Variants in CXCL13 observed in about 807,000 individuals in gnomAD.
CXCL13 encodes C-X-C motif chemokine ligand 13.
CXCL13 carries 7 observed loss-of-function variants against 12.2 expected under a neutral mutation model. That is an observed-to-expected ratio of 0.57 (90% CI 0.33 to 1.07). The LOEUF (loss-of-function observed/expected upper bound fraction) is 1.07, where lower values mean the gene tolerates loss of function less well. Ranked by LOEUF, CXCL13 falls within the 50% of genes least tolerant of loss-of-function variation. CXCL13 has a pLI of 0.04. For missense variants in CXCL13, 113 were observed against 127.4 expected (o/e 0.89, Z 0.55); for synonymous variants, 47 against 42.4 (o/e 1.11, Z -0.42).
intron 1 of CXCL13, among the ~76,000 whole-genome samples, chr4:77,593,715 T>C (rs1390793342): frequency 6.6e-6 from 1 of 152,220 alleles, no homozygotes; most frequent in Non-Finnish European, 1.5e-5. Flanking sequence ...CTGTTAAATC[T>C]AGGTCTCTTG....
chr4:77,582,266 T>C (rs967176443), intron 1 of CXCL13, among the ~76,000 whole-genome samples: 4 of 152,196 alleles, frequency 2.6e-5, no homozygotes, highest in Non-Finnish European at 5.9e-5. Context: ...ACAAAGCCTC[T>C]GTCCTCATGG....
At chr4:77,598,864 A>G (rs1403924830) in intron 1 of CXCL13, among the ~76,000 whole-genome samples, 3 of 151,896 alleles carry the variant, frequency 2.0e-5, no homozygotes, top group Non-Finnish European at 4.4e-5. Flanking sequence ...CTGGAGTACA[A>G]TGGCATGATC....
chr4:77,547,984 G>T lies in CXCL13; in HGVS notation c.-43+36196G>T, dbSNP rs542327786. The stretch of plus-strand genomic sequence containing the variant: ...CTGTACAGGATTTTATATCTCATTT[G>T]TTTATGAAGCTTAGTTTGGCTGGAT... On this transcript the variant is annotated intron_variant, in intron 1 of 4. Transcript: ENST00000286758. 2.0e-5 allele frequency among the ~76,000 whole-genome samples: 3 copies of T among 152,044 alleles called. No homozygotes were observed. The East Asian group carries it at 5.8e-4, about 29-fold the overall frequency.
At chr4:77,556,822 A>C (rs927420932) in intron 1 of CXCL13, among the ~76,000 whole-genome samples, 6 of 152,150 alleles carry the variant, frequency 3.9e-5, no homozygotes, top group African/African-American at 1.4e-4. Flanking sequence ...GTTTATGCCC[A>C]GCCTGGGAAA....
In CXCL13 at chr4:77,566,009, C is replaced by T. The variant is rs182942761; in HGVS notation, c.-42-39815C>T. ...TGGTTTTCTAATATTTCCCTTGAGG[C>T]CTCTCTCATCTCACATGCTCTTCAA... On this transcript the variant is annotated intron_variant, in intron 1 of 4. Transcript: ENST00000286758. Among the ~76,000 whole-genome samples the T allele has an allele frequency of 1.8e-4, 28 of 152,308 alleles. No homozygotes were observed. The South Asian group carries it at 5.6e-3, about 30-fold the overall frequency.
rs138715693 is a variant in CXCL13, at chr4:77,556,639, C to T, written c.-43+44851C>T. Among the ~76,000 whole-genome samples, 683 of 152,032 alleles carry T rather than the reference C, an allele frequency of 4.5e-3. 18 individuals carry two copies. Among genetic ancestry groups the T allele is most frequent in the East Asian group, 0.027 (142 of 5,174 alleles). On this transcript the variant is annotated intron_variant, in intron 1 of 4. Transcript: ENST00000286758. The stretch of plus-strand genomic sequence containing the variant: ...TTTATATATCATTGTGATAATCTTA[C>T]AAAATACTAAAATATAAAGTTTAAG...
chr4:77,535,996 G>A lies in CXCL13; in HGVS notation c.-43+24208G>A, dbSNP rs147678546. Among the ~76,000 whole-genome samples the A allele has an allele frequency of 5.1e-3, 772 of 152,238 alleles. 7 individuals carry two copies. Among genetic ancestry groups the A allele is most frequent in the African/African-American group, 0.016 (685 of 41,540 alleles). On this transcript the variant is annotated intron_variant, in intron 1 of 4. Transcript: ENST00000286758. ...TAGAATACTTTGTTGAGCAGTAATA[G>A]ATAACTATGATTATACTTGATAGAA... is the stretch of plus-strand genomic sequence containing the variant.
intron 1 of CXCL13, among the ~76,000 whole-genome samples, chr4:77,594,798 T>A (rs867358409): frequency 2.6e-4 from 40 of 152,194 alleles, no homozygotes; most frequent in African/African-American, 9.7e-4. Context: ...AAATAGCTAA[T>A]GCATGTGAGG....
chr4:77,519,586 T>C (rs9715040), intron 1 of CXCL13, among the ~76,000 whole-genome samples: 9,030 of 152,270 alleles, frequency 0.059, 855 homozygotes, highest in African/African-American at 0.2. Context: ...ATGAATTTGT[T>C]TGAGTTCTTT....
At chr4:77,529,159 C>A (rs1724843916) in intron 1 of CXCL13, among the ~76,000 whole-genome samples, 1 of 152,108 alleles carries the variant, frequency 6.6e-6, no homozygotes, top group Non-Finnish European at 1.5e-5. Flanking sequence ...GGTAATAGTA[C>A]CATGCTGTTT....
chr4:77,528,630 T>C (rs1724831468), intron 1 of CXCL13, among the ~76,000 whole-genome samples: 1 of 152,310 alleles, frequency 6.6e-6, no homozygotes, highest in South Asian at 2.1e-4. Context: ...GGCCTGTTTG[T>C]TTTTTTCTTG....
At chr4:77,566,660 A>G (rs546091122) in intron 1 of CXCL13, among the ~76,000 whole-genome samples, 2 of 152,280 alleles carry the variant, frequency 1.3e-5, no homozygotes, top group South Asian at 4.2e-4. Context: ...GTAAGACATA[A>G]AATACTAGGC....
intron 1 of CXCL13, among the ~76,000 whole-genome samples, chr4:77,594,077 C>T (rs1288765958): frequency 6.6e-6 from 1 of 152,284 alleles, no homozygotes; most frequent in African/African-American, 2.4e-5. Context: ...TGACATTTGC[C>T]TCTTGGTAAT....
chr4:77,580,386 G>T (rs1347768379), intron 1 of CXCL13, among the ~76,000 whole-genome samples: 1 of 119,284 alleles, frequency 8.4e-6, no homozygotes, highest in Non-Finnish European at 1.6e-5. Flanking sequence ...GAGTGCAGTG[G>T]TGCAATCTTG....
intron 1 of CXCL13, among the ~76,000 whole-genome samples, chr4:77,513,114 T>A (rs917172973): frequency 6.6e-6 from 1 of 152,146 alleles, no homozygotes; most frequent in Non-Finnish European, 1.5e-5. Flanking sequence ...GAACTCATCC[T>A]TTTTTATGGC....
chr4:77,515,467 T>A (rs1205780380), intron 1 of CXCL13, among the ~76,000 whole-genome samples: 6 of 152,230 alleles, frequency 3.9e-5, no homozygotes, highest in Non-Finnish European at 7.3e-5. Context: ...TTTGTTTGTA[T>A]CCTCTTTTAT....
chr4:77,557,097 C>A (rs1725677204), intron 1 of CXCL13, among the ~76,000 whole-genome samples: 1 of 152,028 alleles, frequency 6.6e-6, no homozygotes, highest in Non-Finnish European at 1.5e-5. Flanking sequence ...ACAAAACAAA[C>A]AAAATCCCAT....
At chr4:77,560,085 TG>T (rs751197337) in intron 1 of CXCL13, among the ~76,000 whole-genome samples, 2 of 152,188 alleles carry the variant, frequency 1.3e-5, no homozygotes, top group Non-Finnish European at 2.9e-5. Flanking sequence ...CTTTCTTTTT[TG>T]TTTTGGATAT....
chr4:77,515,686 A>T (rs1431649212), intron 1 of CXCL13, among the ~76,000 whole-genome samples: 1 of 151,270 alleles, frequency 6.6e-6, no homozygotes, highest in African/African-American at 2.4e-5. Flanking sequence ...GAAGTTGCTT[A>T]TCAGCTTAAG....
Sources: allele counts gnomAD v4.1 joint callset (sites outside exome capture counted in the v4.1 genomes callset), GRCh38; gene constraint gnomAD v4.1.1; transcripts MANE v1.5; gene names NCBI Gene and HGNC (gene_info 2026-07-23, HGNC 2026-07-21).